GBP6: variants seen among roughly 807,000 people sequenced by gnomAD.
The protein encoded by GBP6 is guanylate binding protein family member 6, also known as guanylate-binding protein 6.
GBP6 carries 54 observed loss-of-function variants against 61.5 expected under a neutral mutation model. That is an observed-to-expected ratio of 0.88 (90% confidence interval 0.71 to 1.10). GBP6 has a LOEUF of 1.10. GBP6 is among the 50% of genes least tolerant of loss of function. The pLI, the probability that GBP6 is intolerant of heterozygous loss-of-function variation, is 0.00. For missense variants in GBP6, 748 were observed against 752.8 expected (o/e 0.99, Z 0.07); for synonymous variants, 255 against 273.7 (o/e 0.93, Z 0.67).
In GBP6 at chr1:89,366,297, G is replaced by A. The variant is rs149237028; in HGVS notation, c.-24+2170G>A. On this transcript the variant is annotated intron_variant, in intron 1 of 10. Transcript: ENST00000370456. The stretch of plus-strand genomic sequence containing the variant: ...TTATTCTTGTCTGTGGGAGTAAATT[G>A]CAGAGAACCTGACCCTTCTAGGCTA... Among the ~76,000 whole-genome samples the A allele has an allele frequency of 2.0e-3, 307 of 152,194 alleles. 1 individual carries two copies. Among genetic ancestry groups the A allele is most frequent in the African/African-American group, 7.0e-3 (291 of 41,534 alleles).
intron 3 of GBP6, among the ~76,000 whole-genome samples, chr1:89,372,355 AG>A (rs1652668039): frequency 6.6e-6 from 1 of 152,256 alleles, no homozygotes; most frequent in South Asian, 2.1e-4. Context: ...CACATTGCCA[AG>A]ACAGTCCTAA....
Position 89,368,718 on chromosome 1 carries a change from A to G in GBP6, c.167A>G (p.Asn56Ser). The G allele has an allele frequency of 6.2e-7, 1 of 1,613,306 alleles. No individual in the cohort carries two copies. The highest frequency in any genetic ancestry group is 8.5e-7 in the Non-Finnish European group (1 of 1,179,460). The change falls in exon 2 of 11, where the codon AAC becomes AGC. Residue 56 changes from asparagine to serine, a missense_variant. Transcript: ENST00000370456. ...CGTACAGGGAAATCCTACTTGATGA[A>G]CCATCTGGCAGGACAGAATCATGGT... Reference protein sequence around the residue: ...LYRTGKSYLMNHLAGQNHGFP... With the variant: ...LYRTGKSYLMSHLAGQNHGFP...
At chr1:89,368,456 T>C in intron 1 of GBP6, 73 bp from the exon 2 acceptor site, 1 of 1,100,838 alleles carries the variant, frequency 9.1e-7, no homozygotes, top group Admixed American at 2.1e-5. Flanking sequence ...GAAGTCTCAT[T>C]AGTCCTATGT....
Position 89,378,216 on chromosome 1 carries a change from T to A in GBP6, c.428+4T>A, listed in dbSNP as rs1016508847. The A allele has an allele frequency of 6.8e-6, 11 of 1,607,284 alleles. No homozygotes were observed. In the Admixed American group the frequency reaches 8.7e-5, roughly 13 times the overall value. ...ACCAGGCCCTGGAGCAGCTGCAGTA[T>A]CCTTCCAGGAACAGAACAGAACCAC... is the stretch of plus-strand genomic sequence containing the variant. On this transcript the variant is annotated splice_donor_region_variant and intron_variant, in intron 4 of 10. Transcript: ENST00000370456.
At chr1:89,373,186 G>C (rs1328653671) in intron 3 of GBP6, among the ~76,000 whole-genome samples, 2 of 152,166 alleles carry the variant, frequency 1.3e-5, no homozygotes, top group African/African-American at 4.8e-5. Flanking sequence ...AGAGGATGTG[G>C]AGAAATAGGA....
Position 89,386,996 on chromosome 1 carries a change from G to A in GBP6, c.*1527G>A, listed in dbSNP as rs546571080. Among the ~76,000 whole-genome samples, 16 of 152,130 alleles carry A rather than the reference G, an allele frequency of 1.1e-4. No individual in the cohort carries two copies. Among genetic ancestry groups the A allele is most frequent in the Admixed American group, 3.9e-4 (6 of 15,282 alleles). ...GACCAGCCATAGGGTTAAATGGGAT[G>A]GGGAGAAAACAATCAAGTGAAGTAA... On this transcript the variant is annotated 3_prime_UTR_variant, in exon 11 of 11. Coordinates refer to ENST00000370456, the MANE Select transcript of GBP6 (RefSeq NM_198460.3).
In GBP6 at chr1:89,369,487, C is replaced by G. The variant is rs1652560851; in HGVS notation, c.191-59C>G. 3.8e-6 allele frequency: 6 copies of G among 1,573,966 alleles called. No homozygotes were observed. In the Admixed American group the frequency reaches 1.1e-4, roughly 28 times the overall value. On this transcript the variant is annotated intron_variant, in intron 2 of 10. Coordinates refer to ENST00000370456, the MANE Select transcript of GBP6 (RefSeq NM_198460.3). Reference sequence around the variant, plus strand: ...AATCCAACCAGTCTGATGCTGTGGCCCCAGGGCGGCTTGGCTGCTCTGCTG... The same window carrying G: ...AATCCAACCAGTCTGATGCTGTGGCGCCAGGGCGGCTTGGCTGCTCTGCTG...
At chr1:89,382,006 C>A (rs1361314754) in intron 7 of GBP6, 32 bp downstream of exon 7, 3 of 1,561,126 alleles carry the variant, frequency 1.9e-6, no homozygotes, top group Non-Finnish European at 2.6e-6. Flanking sequence ...TGTTCATCAT[C>A]CTTCCCCTTG....
At chr1:89,368,427 G>A (rs2100657313) in intron 1 of GBP6, 102 bp from the exon 2 acceptor site, 2 of 769,072 alleles carry the variant, frequency 2.6e-6, no homozygotes, top group Non-Finnish European at 2.1e-6. Context: ...TAGATTACAT[G>A]TTGTCCAGTA....
In GBP6 at chr1:89,381,778, C is replaced by A; in HGVS notation, c.956C>A (p.Ala319Asp). ...PCLENAVITLAQRENSAAVQR... is the reference protein window; with the variant it reads ...PCLENAVITLDQRENSAAVQR... ...CTGGAGAATGCAGTGATAACTCTGGCCCAGCGTGAGAACTCAGCGGCCGTG... is the reference window on the plus strand; with the variant it reads ...CTGGAGAATGCAGTGATAACTCTGGACCAGCGTGAGAACTCAGCGGCCGTG... The change falls in exon 7 of 11, where the codon GCC becomes GAC. Residue 319 changes from alanine (A) to aspartate (D), a missense_variant. Transcript: ENST00000370456. 2 of 1,614,082 alleles carry A rather than the reference C, an allele frequency of 1.2e-6. No homozygotes were observed. Among genetic ancestry groups the A allele is most frequent in the Non-Finnish European group, 1.7e-6 (2 of 1,179,980 alleles).
rs1405593237 is a variant in GBP6 at position 89,380,682 on chromosome 1, T to C, written c.871+51T>C. ...GGGGCCTCATGTGTGTTGAATATAT[T>C]GTATAATGTGTTTCTCAGAATTTTT... On this transcript the variant is annotated intron_variant, in intron 6 of 10. Coordinates refer to ENST00000370456, the MANE Select transcript of GBP6 (RefSeq NM_198460.3). 14 of 1,543,304 alleles carry C rather than the reference T, an allele frequency of 9.1e-6. No homozygotes were observed. The South Asian group carries it at 1.3e-4, about 15-fold the overall frequency.
At chr1:89,382,993 C>A in intron 8 of GBP6, 117 bp downstream of exon 8, 1 of 620,324 alleles carries the variant, frequency 1.6e-6, no homozygotes, top group East Asian at 2.8e-5. Flanking sequence ...TTTCAATGTC[C>A]ACTAATTAAT....
At chr1:89,382,935 A>G in intron 8 of GBP6, 59 bp downstream of exon 8, 1 of 1,114,492 alleles carries the variant, frequency 9.0e-7, no homozygotes, top group Non-Finnish European at 1.4e-6. Flanking sequence ...AGTCTTCAGC[A>G]CCAGCCGTGG....
In GBP6 at chr1:89,380,423, G is replaced by A. The variant is rs1488237301; in HGVS notation, c.663G>A (p.Arg221=). 6.2e-7 allele frequency: 1 copy of A among 1,613,712 alleles called. No homozygotes were observed. The highest frequency in any genetic ancestry group is 1.1e-5 in the South Asian group (1 of 91,060). Reference sequence around the variant, plus strand: ...GAGTTCAAACATCCAATTTTCCCAGGGAGTGCATCAGGCGTTTCTTTCCAA... The same window carrying A: ...GAGTTCAAACATCCAATTTTCCCAGAGAGTGCATCAGGCGTTTCTTTCCAA... ...NPRVQTSNFP[R]ECIRRFFPKR... Residue 221 remains arginine, a synonymous_variant, in exon 6 of 11, where the codon AGG becomes AGA. Transcript: ENST00000370456.
Position 89,385,329 on chromosome 1 carries a change from G to T in GBP6, c.1762G>T (p.Asp588Tyr). Reference sequence around the variant, plus strand: ...ACGTATGATTGATACTACAAAAAATGATGATACTCCCTGGATTGCACGAAC... The same window carrying T: ...ACGTATGATTGATACTACAAAAAATTATGATACTCCCTGGATTGCACGAAC... ...FKRMIDTTKN[D>Y]DTPWIARTLD... Residue 588 changes from aspartate to tyrosine, a missense_variant, in exon 11 of 11, where the codon GAT becomes TAT. Asp to Tyr is a radical substitution (Grantham distance 160). Coordinates refer to ENST00000370456, the MANE Select transcript of GBP6 (RefSeq NM_198460.3). 3.1e-6 allele frequency: 5 copies of T among 1,614,138 alleles called. No individual in the cohort carries two copies. The highest frequency in any genetic ancestry group is 3.4e-6 in the Non-Finnish European group (4 of 1,180,004).
chr1:89,378,639 G>A (rs769100199), intron 5 of GBP6, 26 bp downstream of exon 5: 1 of 1,574,298 alleles, frequency 6.4e-7, no homozygotes, highest in Non-Finnish European at 8.7e-7. Flanking sequence ...CTGGGCTGTG[G>A]GTGGTCCACT....
intron 1 of GBP6, among the ~76,000 whole-genome samples, chr1:89,367,195 T>C (rs1652488281): frequency 6.6e-6 from 1 of 152,188 alleles, no homozygotes; most frequent in African/African-American, 2.4e-5. Context: ...CTTGATCAAA[T>C]GTTAATTGTA....
intron 3 of GBP6, among the ~76,000 whole-genome samples, chr1:89,375,639 G>A (rs986268620): frequency 6.6e-6 from 1 of 151,942 alleles, no homozygotes; most frequent in Admixed American, 6.5e-5. Flanking sequence ...AGTTCCTCAT[G>A]TATTTTGGAT....
Position 89,369,662 on chromosome 1 carries a change from G to A in GBP6, c.307G>A (p.Asp103Asn), listed in dbSNP as rs573767677. Residue 103 changes from aspartate to asparagine, a missense_variant, in exon 3 of 11, where the codon GAT becomes AAT. By Grantham distance (23) the Asp-to-Asn change is conservative. Transcript: ENST00000370456. ...LVLLDTEGLG[D>N]VEKGDPKNDS... ...CCTTCTGGACACCGAAGGTCTGGGC[G>A]ATGTGGAAAAGGTAAGACAGAGAGT... The A allele has an allele frequency of 4.1e-5, 66 of 1,613,724 alleles. 1 individual carries two copies. In the South Asian group the frequency reaches 5.6e-4, roughly 14 times the overall value.
Sources: gnomAD v4.1 joint callset for allele counts (sites outside exome capture counted in the v4.1 genomes callset) on GRCh38, gnomAD v4.1.1 for gene constraint, MANE v1.5 for transcripts, NCBI Gene and HGNC (gene_info 2026-07-23, HGNC 2026-07-21) for gene names.